ATXN1: variants seen among roughly 807,000 people sequenced by gnomAD.
The protein encoded by ATXN1 is ataxin 1, also known as ataxin-1.
Under a neutral mutation model 56.4 loss-of-function variants are expected in ATXN1, and 8 were observed. The ratio of observed to expected loss-of-function variants is 0.14; its 90% CI spans 0.08 to 0.26. ATXN1 has a LOEUF of 0.26. Ranked by LOEUF, ATXN1 falls within the 10% of genes least tolerant of loss-of-function variation. The pLI is 1.00. For missense variants in ATXN1, 987 were observed against 1,106.5 expected, an observed-to-expected ratio of 0.89 and a Z score of 1.53; for synonymous variants, 514 against 494.6, an observed-to-expected ratio of 1.04 and a Z score of -0.52.
chr6:16,671,768 T>C (rs1758546544), intron 2 of ATXN1, among the ~76,000 whole-genome samples: 1 of 152,194 alleles, frequency 6.6e-6, no homozygotes, highest in African/African-American at 2.4e-5. Context: ...TCATTATATA[T>C]TTTGAATACG....
At chr6:16,724,088 G>T (rs1299833481) in intron 2 of ATXN1, among the ~76,000 whole-genome samples, 2 of 152,160 alleles carry the variant, frequency 1.3e-5, no homozygotes, top group African/African-American at 4.8e-5. Context: ...CAGACTGGAA[G>T]TTCAGCCCAA....
chr6:16,659,388 T>C (rs1758270919), intron 2 of ATXN1, among the ~76,000 whole-genome samples: 1 of 152,180 alleles, frequency 6.6e-6, no homozygotes, highest in South Asian at 2.1e-4. Flanking sequence ...AAAAACAGAA[T>C]TTGGAGAGAG....
intron 3 of ATXN1, among the ~76,000 whole-genome samples, chr6:16,636,485 G>A (rs1304119994): frequency 6.6e-6 from 1 of 152,126 alleles, no homozygotes; most frequent in Non-Finnish European, 1.5e-5. Flanking sequence ...TCTTGAGTAG[G>A]ACAAAGTATA....
chr6:16,455,894 T>G (rs1759857502), intron 6 of ATXN1, among the ~76,000 whole-genome samples: 1 of 151,978 alleles, frequency 6.6e-6, no homozygotes, highest in East Asian at 1.9e-4. Flanking sequence ...ATCAACGCTC[T>G]GTAAAATGCA....
chr6:16,559,169 G>C (rs923785841), intron 4 of ATXN1, among the ~76,000 whole-genome samples: 20 of 152,248 alleles, frequency 1.3e-4, no homozygotes, highest in Admixed American at 7.8e-4. Flanking sequence ...AACAGTGCTA[G>C]CAGGAACATA....
chr6:16,565,621 C>T (rs1397052665), intron 4 of ATXN1, among the ~76,000 whole-genome samples: 1 of 152,182 alleles, frequency 6.6e-6, no homozygotes, highest in Non-Finnish European at 1.5e-5. Context: ...GTAATGCTGG[C>T]TTTTAACCAC....
At chr6:16,474,215 C>T (rs931506314) in intron 6 of ATXN1, among the ~76,000 whole-genome samples, 1 of 152,222 alleles carries the variant, frequency 6.6e-6, no homozygotes, top group African/African-American at 2.4e-5. Context: ...TTTCCCCATC[C>T]TTTGAACTGA....
rs770478847 is a variant in ATXN1, at chr6:16,431,785, C to T, written c.-161+54187G>A. ...CTTCGCCACTATGCAACTGTGCTTT[C>T]GTGTATTCATATCCAGGACATCATA... On this transcript the variant is annotated intron_variant, in intron 6 of 7. Transcript: ENST00000436367. 7.2e-5 allele frequency among the ~76,000 whole-genome samples: 11 copies of T among 152,300 alleles called. No homozygotes were observed. In the South Asian group the frequency reaches 1.2e-3, roughly 17 times the overall value.
chr6:16,584,030 G>A (rs1317109586), intron 4 of ATXN1, among the ~76,000 whole-genome samples: 1 of 151,498 alleles, frequency 6.6e-6, no homozygotes, highest in Non-Finnish European at 1.5e-5. Flanking sequence ...ATTATTTGCA[G>A]CAACACCCAA....
chr6:16,369,477 C>T (rs114077935), intron 6 of ATXN1, among the ~76,000 whole-genome samples: 15 of 152,310 alleles, frequency 9.8e-5, no homozygotes, highest in African/African-American at 3.4e-4. Flanking sequence ...AAATACGCTA[C>T]AGAAATGAGC....
At chr6:16,679,861 A>G (rs1407252677) in intron 2 of ATXN1, among the ~76,000 whole-genome samples, 1 of 152,250 alleles carries the variant, frequency 6.6e-6, no homozygotes, top group Admixed American at 6.5e-5. Context: ...TTTAATGAAT[A>G]TTAACAAATG....
intron 4 of ATXN1, among the ~76,000 whole-genome samples, chr6:16,545,205 A>AC (rs1383764162): frequency 6.6e-6 from 1 of 151,990 alleles, no homozygotes; most frequent in Non-Finnish European, 1.5e-5. Flanking sequence ...CTTTCTTATT[A>AC]CCCCCCAAAA....
intron 4 of ATXN1, among the ~76,000 whole-genome samples, chr6:16,537,470 T>C (rs933610763): frequency 1.3e-5 from 2 of 150,374 alleles, no homozygotes; most frequent in East Asian, 2.0e-4. Context: ...TTTGGGAGGC[T>C]GGGGCAGATG....
chr6:16,543,873 C>T (rs373736523), intron 4 of ATXN1, among the ~76,000 whole-genome samples: 104 of 105,618 alleles, frequency 9.8e-4, no homozygotes, highest in African/African-American at 6.0e-3. Flanking sequence ...TCAAGGGTCT[C>T]GCAACAAAAG....
rs932665106 is a variant in ATXN1, at chr6:16,462,680, A to G, written c.-161+23292T>C. Reference sequence around the variant, plus strand: ...CTCACCTATTACATGAGCAATGAAAAGCCCTGTAACCGTGAATACCATCTT... The same window carrying G: ...CTCACCTATTACATGAGCAATGAAAGGCCCTGTAACCGTGAATACCATCTT... On this transcript the variant is annotated intron_variant, in intron 6 of 7. Transcript: ENST00000436367. Among the ~76,000 whole-genome samples the G allele has an allele frequency of 8.5e-5, 13 of 152,304 alleles. No individual in the cohort carries two copies. The South Asian group carries it at 2.7e-3, about 32-fold the overall frequency.
intron 6 of ATXN1, among the ~76,000 whole-genome samples, chr6:16,402,754 C>A (rs1004981616): frequency 6.6e-6 from 1 of 152,226 alleles, no homozygotes; most frequent in Non-Finnish European, 1.5e-5. Context: ...AGAACCAACT[C>A]CCGCTGTGCC....
intron 2 of ATXN1, chr6:16,738,503 AT>A (rs1215453565): frequency 6.6e-6 from 1 of 152,222 alleles, no homozygotes; most frequent in Non-Finnish European, 1.5e-5. Flanking sequence ...TATTATATAC[AT>A]ATTCATATTC....
At chr6:16,628,331 C>T (rs766556203) in intron 3 of ATXN1, among the ~76,000 whole-genome samples, 1 of 152,198 alleles carries the variant, frequency 6.6e-6, no homozygotes, top group Admixed American at 6.5e-5. Context: ...TATCCACGTG[C>T]CCTCATCAAA....
chr6:16,688,512 T>C (rs1163697447), intron 2 of ATXN1, among the ~76,000 whole-genome samples: 1 of 152,198 alleles, frequency 6.6e-6, no homozygotes, highest in Non-Finnish European at 1.5e-5. Flanking sequence ...GCTTTCTCCA[T>C]AGAGCATCAA....
Sources: allele counts gnomAD v4.1 joint callset (sites outside exome capture counted in the v4.1 genomes callset), GRCh38; gene constraint gnomAD v4.1.1; transcripts MANE v1.5; gene names NCBI Gene and HGNC (gene_info 2026-07-23, HGNC 2026-07-21).